The following CPQ variants were observed in gnomAD, a reference collection of about 807,000 sequenced individuals.
CPQ encodes the protein Ser-Met dipeptidase.
In CPQ, 37 loss-of-function variants were observed where a neutral mutation model predicts 45.7. That is an observed-to-expected ratio of 0.81 (90% CI 0.62 to 1.07). The LOEUF is 1.07. Among genes scored for constraint, CPQ ranks in the 50% least tolerant of loss-of-function variants. CPQ has a pLI of 0.00. For missense variants in CPQ, 537 were observed against 572.9 expected (o/e 0.94, Z 0.64); for synonymous variants, 186 against 205.8 (o/e 0.90, Z 0.82).
chr8:96,833,161 A>T (rs980420694), intron 2 of CPQ, among the ~76,000 whole-genome samples: 2 of 152,122 alleles, frequency 1.3e-5, no homozygotes, highest in Non-Finnish European at 2.9e-5. Flanking sequence ...TTTCAGAAAA[A>T]CAGATTAATT....
intron 6 of CPQ, among the ~76,000 whole-genome samples, chr8:97,062,729 G>A (rs1376453172): frequency 2.6e-5 from 4 of 152,086 alleles, no homozygotes; most frequent in African/African-American, 9.7e-5. Context: ...TGTGGTATTT[G>A]GTTTTCCATT....
At chr8:96,661,360 T>C (rs918377132) in intron 1 of CPQ, among the ~76,000 whole-genome samples, 6 of 152,042 alleles carry the variant, frequency 3.9e-5, no homozygotes, top group Admixed American at 2.6e-4. Context: ...CCAAAGCCCA[T>C]GGTTTGTATT....
chr8:96,840,866 T>A (rs6468520), intron 3 of CPQ, among the ~76,000 whole-genome samples: 85,240 of 151,962 alleles, frequency 0.56, 25,452 homozygotes, highest in East Asian at 0.88. Flanking sequence ...TTTAAAAATC[T>A]TAAGTTTCAA....
chr8:96,708,451 A>G (rs1809563309), intron 1 of CPQ, among the ~76,000 whole-genome samples: 1 of 151,584 alleles, frequency 6.6e-6, no homozygotes, highest in Non-Finnish European at 1.5e-5. Flanking sequence ...ATATATATAT[A>G]TATATATACA....
chr8:97,066,234 G>A (rs538111590), intron 7 of CPQ, 24 bp downstream of exon 7: 1 of 1,596,426 alleles, frequency 6.3e-7, no homozygotes, highest in Non-Finnish European at 8.5e-7. Flanking sequence ...ATGAAGTTGT[G>A]TTCCTTATAT....
chr8:96,916,958 A>C (rs1169162113), intron 4 of CPQ, among the ~76,000 whole-genome samples: 1 of 152,126 alleles, frequency 6.6e-6, no homozygotes, highest in Non-Finnish European at 1.5e-5. Flanking sequence ...GCAAACTATC[A>C]AAATGCTTAT....
chr8:96,775,795 A>G (rs1810597429), intron 1 of CPQ, among the ~76,000 whole-genome samples: 1 of 152,182 alleles, frequency 6.6e-6, no homozygotes, highest in Non-Finnish European at 1.5e-5. Context: ...GGCCTCTGCC[A>G]ACTAGTTACC....
chr8:96,989,107 A>G (rs2130401751), intron 5 of CPQ, among the ~76,000 whole-genome samples: 1 of 152,278 alleles, frequency 6.6e-6, no homozygotes, highest in East Asian at 1.9e-4. Flanking sequence ...CAGGAGGCAG[A>G]GGTGATTCCT....
intron 1 of CPQ, among the ~76,000 whole-genome samples, chr8:96,729,178 G>T (rs971563504): frequency 4.6e-5 from 7 of 152,170 alleles, no homozygotes; most frequent in Non-Finnish European, 1.0e-4. Flanking sequence ...CTGAGATGGG[G>T]TGGAACCTCC....
chr8:97,132,042 T>C (rs1319355705), intron 7 of CPQ, among the ~76,000 whole-genome samples: 1 of 152,236 alleles, frequency 6.6e-6, no homozygotes, highest in African/African-American at 2.4e-5. Flanking sequence ...ATCCCCTTTT[T>C]CTTGCCTATA....
chr8:97,023,044 A>AC (rs1212303981), intron 5 of CPQ, among the ~76,000 whole-genome samples: 31 of 142,648 alleles, frequency 2.2e-4, no homozygotes, highest in African/African-American at 3.9e-4. Context: ...TATATACAGT[A>AC]TATATACTGT....
At chr8:96,730,355 G>C (rs1809893597) in intron 1 of CPQ, among the ~76,000 whole-genome samples, 1 of 152,180 alleles carries the variant, frequency 6.6e-6, no homozygotes, top group African/African-American at 2.4e-5. Flanking sequence ...CTGACATTTT[G>C]AGTTTGTTCT....
At chr8:96,949,246 T>C (rs1343930812) in intron 4 of CPQ, among the ~76,000 whole-genome samples, 2 of 120,880 alleles carry the variant, frequency 1.7e-5, no homozygotes, top group East Asian at 2.2e-4. Flanking sequence ...TCCTCGTTTA[T>C]GTTTTCTTGA....
intron 1 of CPQ, among the ~76,000 whole-genome samples, chr8:96,734,716 TAAA>T (rs2130773068): frequency 4.4e-5 from 1 of 22,582 alleles, no homozygotes; most frequent in Admixed American, 6.5e-4. Flanking sequence ...ATCTCAAAAA[TAAA>T]ATAAAATAAA....
At chr8:96,668,189 A>G (rs1424230638) in intron 1 of CPQ, among the ~76,000 whole-genome samples, 8 of 152,262 alleles carry the variant, frequency 5.3e-5, no homozygotes, top group Non-Finnish European at 1.2e-4. Flanking sequence ...GTTCTAGGAC[A>G]TATGGGTAAC....
chr8:96,729,273 C>T (rs1563481221), intron 1 of CPQ, among the ~76,000 whole-genome samples: 1 of 152,090 alleles, frequency 6.6e-6, no homozygotes, highest in Non-Finnish European at 1.5e-5. Flanking sequence ...GCACATATAC[C>T]CTAAGACAAT....
intron 4 of CPQ, among the ~76,000 whole-genome samples, chr8:96,926,576 C>CTTCTTCTTCTTCTTCTTATTCTTCTTCT (rs1812882233): frequency 1.3e-5 from 1 of 74,976 alleles, no homozygotes; most frequent in African/African-American, 8.2e-5. Flanking sequence ...CTTCCTCTTC[C>CTTCTTCTTCTTCTTCTTATTCTTCTTCT]TCTTCTTCTT....
At chr8:96,855,059 G>A (rs1811828771) in intron 3 of CPQ, among the ~76,000 whole-genome samples, 3 of 152,152 alleles carry the variant, frequency 2.0e-5, no homozygotes, top group Non-Finnish European at 4.4e-5. Flanking sequence ...CAGCAGGGCA[G>A]GAGGAATTCT....
chr8:96,743,040 A>G (rs1306806230), intron 1 of CPQ, among the ~76,000 whole-genome samples: 1 of 151,958 alleles, frequency 6.6e-6, no homozygotes, highest in African/African-American at 2.4e-5. Flanking sequence ...TAGATTGGGG[A>G]AGTTCTCCTG....
Sources: allele counts gnomAD v4.1 joint callset (sites outside exome capture counted in the v4.1 genomes callset), GRCh38; gene constraint gnomAD v4.1.1; transcripts MANE v1.5; gene names NCBI Gene and HGNC (gene_info 2026-07-23, HGNC 2026-07-21).